The following IQGAP2 variants were observed in gnomAD, a reference collection of about 807,000 sequenced individuals.
IQGAP2 encodes IQ motif containing GTPase activating protein 2, also known as ras GTPase-activating-like protein IQGAP2.
IQGAP2 carries 173 observed loss-of-function variants against 201.3 expected under a neutral mutation model. That is an observed-to-expected ratio of 0.86 (90% CI 0.76 to 0.98). IQGAP2 has a LOEUF of 0.98. Among genes scored for constraint, IQGAP2 ranks in the 50% least tolerant of loss-of-function variants. IQGAP2 has a pLI of 0.00. For synonymous variants in IQGAP2, 675 were observed against 673.9 expected, an observed-to-expected ratio of 1.00 and a Z score of -0.03; for missense variants, 1,687 against 1,864.8, an observed-to-expected ratio of 0.90 and a Z score of 1.76.
intron 13 of IQGAP2, among the ~76,000 whole-genome samples, chr5:76,626,761 T>C (rs1750275657): frequency 6.6e-6 from 1 of 152,082 alleles, no homozygotes; most frequent in African/African-American, 2.4e-5. Context: ...CCACAATAAT[T>C]GATTGAGGGA....
intron 1 of IQGAP2, among the ~76,000 whole-genome samples, chr5:76,438,430 A>G (rs755005501): frequency 7.6e-6 from 1 of 132,270 alleles, no homozygotes; most frequent in African/African-American, 2.5e-5. Context: ...GTTGGTTGTT[A>G]TGGGCTTCAT....
intron 2 of IQGAP2, among the ~76,000 whole-genome samples, chr5:76,484,914 C>T (rs936769109): frequency 1.3e-5 from 2 of 152,160 alleles, no homozygotes; most frequent in African/African-American, 4.8e-5. Context: ...TCATTGCAGA[C>T]CTGACCTGGG....
rs117694666 is a variant in IQGAP2, at chr5:76,699,098, A to T, written c.4367+951A>T. Among the ~76,000 whole-genome samples the T allele has an allele frequency of 1.2e-3, 182 of 152,262 alleles. 3 individuals carry two copies. In the East Asian group the frequency reaches 0.03, roughly 25 times the overall value. On this transcript the variant is annotated intron_variant, in intron 33 of 35. Transcript: ENST00000274364. ...AAAAACTGATTCCTCCTAAGATTTC[A>T]TATCCTTTGACCATCATCTCCCCGT...
At chr5:76,671,689 G>GAA (rs34357630) in intron 23 of IQGAP2, 70 bp from the exon 24 acceptor site, 734 of 811,458 alleles carry the variant, frequency 9.0e-4, no homozygotes, top group Middle Eastern at 1.5e-3. Context: ...CTGTCTCGGG[G>GAA]AAAAAAAAAA....
intron 1 of IQGAP2, among the ~76,000 whole-genome samples, chr5:76,461,153 C>G (rs75461313): frequency 2.0e-5 from 3 of 151,992 alleles, no homozygotes; most frequent in Admixed American, 6.6e-5. Flanking sequence ...GCTGGGATTA[C>G]AGGCGTGAGC....
intron 9 of IQGAP2, among the ~76,000 whole-genome samples, chr5:76,594,865 C>G (rs1193872260): frequency 1.3e-5 from 2 of 151,950 alleles, no homozygotes; most frequent in East Asian, 3.9e-4. Flanking sequence ...ACTTGGGAGG[C>G]TGAGACAGGA....
At chr5:76,427,449 C>T (rs1189357873) in intron 1 of IQGAP2, among the ~76,000 whole-genome samples, 3 of 152,134 alleles carry the variant, frequency 2.0e-5, no homozygotes, top group Non-Finnish European at 4.4e-5. Context: ...CTCCCCCCTC[C>T]CCTTTCAAGA....
chr5:76,592,919 G>T lies in IQGAP2; in HGVS notation c.901G>T (p.Val301Phe). Residue 301 changes from valine (V) to phenylalanine (F), a missense_variant, in exon 9 of 36, where the codon GTC becomes TTC. By Grantham distance (50) the Val-to-Phe change is conservative (BLOSUM62 -1). Coordinates refer to ENST00000274364, the MANE Select transcript of IQGAP2 (RefSeq NM_006633.5). ...QAEIQGNINKVNRQAAVDHIN... is the reference protein window; with the variant it reads ...QAEIQGNINKFNRQAAVDHIN... ...AGAAATCCAAGGCAATATTAATAAA[G>T]TCAACAGTAAGTAATGGATCGTATG... 1 of 1,595,806 alleles carries T rather than the reference G, an allele frequency of 6.3e-7. No homozygotes were observed. Among genetic ancestry groups the T allele is most frequent in the South Asian group, 1.1e-5 (1 of 90,646 alleles).
intron 30 of IQGAP2, among the ~76,000 whole-genome samples, chr5:76,689,283 G>T (rs71630930): frequency 8.0e-6 from 1 of 125,272 alleles, no homozygotes; most frequent in African/African-American, 3.1e-5. Flanking sequence ...TAAAAACCTA[G>T]TCGAGGGGTC....
At chr5:76,516,321 T>C (rs1243650519) in intron 2 of IQGAP2, among the ~76,000 whole-genome samples, 1 of 152,220 alleles carries the variant, frequency 6.6e-6, no homozygotes, top group African/African-American at 2.4e-5. Flanking sequence ...TGTTTCAGTA[T>C]GTTTTACTGT....
chr5:76,663,294 T>C (rs1743431455), intron 21 of IQGAP2, among the ~76,000 whole-genome samples: 1 of 152,222 alleles, frequency 6.6e-6, no homozygotes, highest in African/African-American at 2.4e-5. Flanking sequence ...AGTGCCCCTC[T>C]AAGGACACTG....
At chr5:76,699,315 A>G (rs1747047494) in intron 33 of IQGAP2, 1 of 152,168 alleles carries the variant, frequency 6.6e-6, no homozygotes, top group Admixed American at 6.5e-5. Flanking sequence ...TTAGGGCCGA[A>G]TAGTATTCTT....
At position 76,414,421 on chromosome 5, in the gene IQGAP2, A is replaced by G. The variant is rs887253667; in HGVS notation, c.46+10830A>G. Among the ~76,000 whole-genome samples, 34 of 152,216 alleles carry G rather than the reference A, an allele frequency of 2.2e-4. 1 individual carries two copies. Among genetic ancestry groups the G allele is most frequent in the Admixed American group, 1.0e-3 (16 of 15,282 alleles). On this transcript the variant is annotated intron_variant, in intron 1 of 35. Coordinates refer to ENST00000274364, the MANE Select transcript of IQGAP2 (RefSeq NM_006633.5). ...TGTTGAACTCTTAGGAAGTTTGTCC[A>G]AGAAATGGTAGTTATAGAGCTAATA... is the stretch of plus-strand genomic sequence containing the variant.
intron 17 of IQGAP2, among the ~76,000 whole-genome samples, chr5:76,645,283 T>G (rs533741173): frequency 6.6e-6 from 1 of 152,364 alleles, no homozygotes; most frequent in Non-Finnish European, 1.5e-5. Flanking sequence ...AATCCTTTGC[T>G]ATTGTGAACA....
chr5:76,426,586 C>G (rs1752010821), intron 1 of IQGAP2, among the ~76,000 whole-genome samples: 1 of 152,196 alleles, frequency 6.6e-6, no homozygotes, highest in African/African-American at 2.4e-5. Context: ...GCCATTGTTC[C>G]TTTTCTTTGC....
At chr5:76,414,895 A>T (rs528803696) in intron 1 of IQGAP2, among the ~76,000 whole-genome samples, 1 of 152,210 alleles carries the variant, frequency 6.6e-6, no homozygotes. Flanking sequence ...GATTAGGGGA[A>T]CTCTGAGAAA....
chr5:76,467,083 G>A (rs180980514), intron 2 of IQGAP2, among the ~76,000 whole-genome samples: 51 of 151,986 alleles, frequency 3.4e-4, no homozygotes, highest in African/African-American at 1.1e-3. Flanking sequence ...AAACCCCATC[G>A]CTACAAAAAA....
intron 1 of IQGAP2, among the ~76,000 whole-genome samples, chr5:76,457,705 C>T (rs959123554): frequency 7.9e-5 from 12 of 152,254 alleles, no homozygotes; most frequent in East Asian, 1.9e-4. Context: ...GGATTTTGTA[C>T]GTGTTCTTTG....
At chr5:76,673,005 T>G (rs980233784) in intron 24 of IQGAP2, among the ~76,000 whole-genome samples, 6 of 151,874 alleles carry the variant, frequency 4.0e-5, no homozygotes, top group South Asian at 2.1e-4. Context: ...TGTATACATA[T>G]GTAACTAACC....
Sources: gnomAD v4.1 joint callset for allele counts (sites outside exome capture counted in the v4.1 genomes callset) on GRCh38, gnomAD v4.1.1 for gene constraint, MANE v1.5 for transcripts, NCBI Gene and HGNC (gene_info 2026-07-23, HGNC 2026-07-21) for gene names.